Variants in N4BP2L2 observed in about 807,000 individuals in gnomAD.
N4BP2L2 encodes NEDD4 binding protein 2 like 2.
A neutral mutation model predicts 56.2 loss-of-function variants in N4BP2L2; 50 were observed. The observed-to-expected ratio is 0.89, with a 90% CI of 0.71 to 1.13. The LOEUF is 1.13. Among genes scored for constraint, N4BP2L2 ranks in the 50% most tolerant of loss-of-function variants. The pLI, the probability that N4BP2L2 is intolerant of heterozygous loss-of-function variation, is 0.00. For missense variants in N4BP2L2, 689 were observed against 693.8 expected (o/e 0.99, Z 0.08); for synonymous variants, 203 against 223.6 (o/e 0.91, Z 0.82).
chr13:32,516,524 A>T (rs2049248148), exon 6 of N4BP2L2: 1 of 152,192 alleles, frequency 6.6e-6, no homozygotes, highest in Non-Finnish European at 1.5e-5. Context: ...GATGTGAGAG[A>T]ATATCTAAAG....
At chr13:32,499,216 C>G (rs1356288694) in intron 6 of N4BP2L2, among the ~76,000 whole-genome samples, 1 of 152,100 alleles carries the variant, frequency 6.6e-6, no homozygotes, top group African/African-American at 2.4e-5. Context: ...CACTCACTGA[C>G]TACCACTCAA....
exon 2 of N4BP2L2, chr13:32,536,540 G>C (rs926031465): frequency 1.2e-6 from 2 of 1,613,748 alleles, no homozygotes; most frequent in African/African-American, 2.7e-5. Flanking sequence ...TGATTTTTCA[G>C]AGTTAAATTT....
exon 2 of N4BP2L2, chr13:32,536,249 G>A (rs541610724): frequency 6.2e-7 from 1 of 1,613,668 alleles, no homozygotes; most frequent in East Asian, 2.2e-5. Flanking sequence ...AGAAGTAAAT[G>A]AAGTGTCACA....
chr13:32,521,369 T>C lies in N4BP2L2; in HGVS notation c.1550+4A>G. 1 of 1,596,392 alleles carries C rather than the reference T, an allele frequency of 6.3e-7. No homozygotes were observed. Among genetic ancestry groups the C allele is most frequent in the Non-Finnish European group, 8.6e-7 (1 of 1,167,032 alleles). ...AGGATTCAATAAAAATTCGAGTGTC[T>C]TACTTTTCTAATTCTTCAGGATCAA... On this transcript the variant is annotated splice_donor_region_variant and intron_variant, in intron 5 of 5. Coordinates refer to ENST00000267068, the Ensembl canonical transcript of N4BP2L2.
intron 6 of N4BP2L2, among the ~76,000 whole-genome samples, chr13:32,464,696 C>G (rs1002492322): frequency 2.0e-5 from 3 of 152,138 alleles, no homozygotes; most frequent in Non-Finnish European, 2.9e-5. Flanking sequence ...AGAGTGTATT[C>G]TCTCTTCCTT....
intron 6 of N4BP2L2, among the ~76,000 whole-genome samples, chr13:32,496,891 C>A (rs2088810960): frequency 6.6e-6 from 1 of 152,154 alleles, no homozygotes; most frequent in South Asian, 2.1e-4. Flanking sequence ...AATAAGAACT[C>A]CTGAATCTTT....
chr13:32,517,350 G>T, exon 6 of N4BP2L2: 1 of 986,954 alleles, frequency 1.0e-6, no homozygotes, highest in Non-Finnish European at 1.2e-6. Flanking sequence ...AATTTTACCT[G>T]TCTAATGAAT....
At chr13:32,451,151 C>T (rs1009166399) in intron 6 of N4BP2L2, among the ~76,000 whole-genome samples, 8 of 151,954 alleles carry the variant, frequency 5.3e-5, no homozygotes, top group East Asian at 1.9e-4. Flanking sequence ...AAGTAGAAGA[C>T]GCTAGCCATG....
chr13:32,509,619 A>G (rs757302421), downstream of N4BP2L2, among the ~76,000 whole-genome samples: 60 of 152,196 alleles, frequency 3.9e-4, no homozygotes, highest in Admixed American at 5.2e-4. Flanking sequence ...TACTCTTATC[A>G]CATTTCCTAT....
chr13:32,443,088 T>C, exon 7 of N4BP2L2: 1 of 1,606,570 alleles, frequency 6.2e-7, no homozygotes, highest in East Asian at 2.2e-5. Context: ...TTTTCTTATT[T>C]TTTGTTGATT....
At chr13:32,450,870 TTCTCTCTCTC>T (rs534768522) in intron 6 of N4BP2L2, among the ~76,000 whole-genome samples, 11 of 59,964 alleles carry the variant, frequency 1.8e-4, no homozygotes, top group Admixed American at 7.4e-4. Flanking sequence ...CCCCATCCCC[TTCTCTCTCTC>T]TCTCTCTCTC....
chr13:32,538,713 G>A, exon 1 of N4BP2L2: 4 of 985,490 alleles, frequency 4.1e-6, no homozygotes, highest in Non-Finnish European at 4.8e-6. Flanking sequence ...AGCGGAGACA[G>A]CACTAAAGCC....
intron 6 of N4BP2L2, among the ~76,000 whole-genome samples, chr13:32,464,778 A>C (rs1253879143): frequency 6.6e-6 from 1 of 152,226 alleles, no homozygotes; most frequent in Non-Finnish European, 1.5e-5. Flanking sequence ...TAAAATAACT[A>C]AATAGCAAAA....
intron 6 of N4BP2L2, among the ~76,000 whole-genome samples, chr13:32,464,176 T>A (rs927315836): frequency 6.6e-6 from 1 of 152,182 alleles, no homozygotes; most frequent in Non-Finnish European, 1.5e-5. Context: ...AAAGATGTAA[T>A]CTGTGACAAC....
At chr13:32,496,209 T>A (rs1472653706) in intron 6 of N4BP2L2, among the ~76,000 whole-genome samples, 2 of 151,706 alleles carry the variant, frequency 1.3e-5, no homozygotes, top group Admixed American at 6.6e-5. Context: ...TTTTTTATTT[T>A]TTTTTTTTTA....
intron 6 of N4BP2L2, among the ~76,000 whole-genome samples, chr13:32,466,535 C>CA (rs1458384558): frequency 8.0e-5 from 12 of 149,708 alleles, no homozygotes; most frequent in East Asian, 7.8e-4. Context: ...GACTCCATCT[C>CA]AAAAAAAAGA....
At chr13:32,442,632 A>G in exon 7 of N4BP2L2, 1 of 1,613,952 alleles carries the variant, frequency 6.2e-7, no homozygotes, top group Non-Finnish European at 8.5e-7. Context: ...CTGGAGAAAT[A>G]AACCCTGCAT....
chr13:32,498,996 A>G (rs2089422642), intron 6 of N4BP2L2, among the ~76,000 whole-genome samples: 1 of 151,490 alleles, frequency 6.6e-6, no homozygotes, highest in African/African-American at 2.4e-5. Context: ...CTAAAAAAAA[A>G]AAAAAAAAAA....
chr13:32,462,302 A>G (rs907825197), intron 6 of N4BP2L2, among the ~76,000 whole-genome samples: 6 of 152,222 alleles, frequency 3.9e-5, no homozygotes, highest in Admixed American at 6.5e-5. Context: ...AGTAAGATGA[A>G]TGGAACTGGA....
Sources: allele counts gnomAD v4.1 joint callset (sites outside exome capture counted in the v4.1 genomes callset), GRCh38; gene constraint gnomAD v4.1.1; transcripts MANE v1.5; gene names NCBI Gene and HGNC (gene_info 2026-07-23, HGNC 2026-07-21).